DLG1: variants seen among roughly 807,000 people sequenced by gnomAD.
DLG1 encodes the protein disks large homolog 1.
DLG1 carries 42 observed loss-of-function variants against 123.4 expected under a neutral mutation model. The observed-to-expected ratio is 0.34, with a 90% CI of 0.27 to 0.44. DLG1 has a LOEUF of 0.44. Among genes scored for constraint, DLG1 ranks in the 20% least tolerant of loss-of-function variants. The pLI, the probability that DLG1 is intolerant of heterozygous loss-of-function variation, is 1.00. For synonymous variants in DLG1, 317 were observed against 356.2 expected (o/e 0.89, Z 1.24); for missense variants, 942 against 1,082.6 (o/e 0.87, Z 1.82).
At chr3:197,261,298 T>G (rs1759334215) in intron 4 of DLG1, among the ~76,000 whole-genome samples, 2 of 152,172 alleles carry the variant, frequency 1.3e-5, no homozygotes. Flanking sequence ...TGAAGTTAGC[T>G]ACATGTGGTG....
chr3:197,173,461 T>C (rs1449882884), intron 5 of DLG1, among the ~76,000 whole-genome samples: 1 of 152,190 alleles, frequency 6.6e-6, no homozygotes, highest in Non-Finnish European at 1.5e-5. Context: ...TTGCCCAAGG[T>C]GGCACAGGCG....
intron 11 of DLG1, among the ~76,000 whole-genome samples, chr3:197,128,094 C>T (rs997606382): frequency 1.3e-5 from 2 of 152,116 alleles, no homozygotes; most frequent in African/African-American, 2.4e-5. Flanking sequence ...TCCACTGACT[C>T]GTTCTTTTAC....
chr3:197,192,709 T>A (rs1169253058), intron 5 of DLG1, among the ~76,000 whole-genome samples: 2 of 152,090 alleles, frequency 1.3e-5, no homozygotes, highest in Non-Finnish European at 2.9e-5. Flanking sequence ...CATAAACATG[T>A]CTTTATGTAT....
intron 5 of DLG1, among the ~76,000 whole-genome samples, chr3:197,185,177 TCG>T (rs1715090345): frequency 6.6e-6 from 1 of 152,224 alleles, no homozygotes; most frequent in African/African-American, 2.4e-5. Flanking sequence ...TAAGAGCATA[TCG>T]TAAGTCCCAA....
At chr3:197,234,413 T>C (rs373363664) in intron 4 of DLG1, among the ~76,000 whole-genome samples, 1 of 152,156 alleles carries the variant, frequency 6.6e-6, no homozygotes, top group Non-Finnish European at 1.5e-5. Context: ...TGGATGAATT[T>C]AGGAGTAGAG....
chr3:197,126,338 T>C (rs1422271352), intron 11 of DLG1, among the ~76,000 whole-genome samples: 2 of 151,922 alleles, frequency 1.3e-5, no homozygotes, highest in African/African-American at 4.8e-5. Flanking sequence ...TAGCAGGGCG[T>C]GGTGGCGCAT....
At chr3:197,269,437 G>A (rs935125168) in intron 4 of DLG1, among the ~76,000 whole-genome samples, 1 of 152,058 alleles carries the variant, frequency 6.6e-6, no homozygotes, top group African/African-American at 2.4e-5. Flanking sequence ...AACGTTGCCT[G>A]TTACATTTCT....
chr3:197,068,519 T>A, intron 19 of DLG1: 1 of 1,582,028 alleles, frequency 6.3e-7, no homozygotes, highest in Non-Finnish European at 8.6e-7. Flanking sequence ...GCAGCCATAC[T>A]CATCTGTAAT....
At position 197,194,629 on chromosome 3, in the gene DLG1, CAT is replaced by C; in HGVS notation, c.319-42_319-41del. ...AACATGAAGAAGCCCTGATAAGCAACATGAGTTTAATTCAAATCATGGTTTTC... is the reference window on the plus strand; with the variant it reads ...AACATGAAGAAGCCCTGATAAGCAACGAGTTTAATTCAAATCATGGTTTTC... On this transcript the variant is annotated intron_variant, in intron 4 of 24. Transcript: ENST00000667157. 2.1e-6 allele frequency: 3 copies of C among 1,460,366 alleles called. 1 individual carries two copies. The South Asian group carries it at 4.0e-5, about 19-fold the overall frequency. The allele number at this position is 1,460,366 out of a possible 1,614,324, so 90.5% of individuals were successfully genotyped here.
intron 4 of DLG1, among the ~76,000 whole-genome samples, chr3:197,199,283 C>G (rs1256406194): frequency 6.6e-6 from 1 of 152,102 alleles, no homozygotes; most frequent in Non-Finnish European, 1.5e-5. Context: ...TTGAGCATCC[C>G]TAATCTGAAA....
Position 197,116,227 on chromosome 3 carries a change from G to A in DLG1, c.1287-144C>T, listed in dbSNP as rs1333614358. On this transcript the variant is annotated intron_variant, in intron 12 of 24. Transcript: ENST00000667157. ...ATATAAATGGTTTTTCTAAAACTAC[G>A]AGATAAAGAGATTCTAAGCCTACAA... The A allele has an allele frequency of 2.6e-5, 16 of 612,792 alleles. No homozygotes were observed. The East Asian group carries it at 3.6e-4, about 14-fold the overall frequency. 38.0% of individuals were successfully genotyped at this position (612,792 alleles called of 1,614,324 possible). A position where few individuals can be genotyped will look rare whatever the true frequency, so the allele number is the denominator to read the frequency against.
chr3:197,043,808 C>T lies in DLG1; in HGVS notation c.*815G>A, dbSNP rs918283456. On this transcript the variant is annotated 3_prime_UTR_variant, in exon 25 of 25. Transcript: ENST00000667157. ...GATGGTTACTACGTCACCACTGTAACGTCTGATTTATCTGTATTTATATCT... is the reference window on the plus strand; with the variant it reads ...GATGGTTACTACGTCACCACTGTAATGTCTGATTTATCTGTATTTATATCT... 2 of 152,018 alleles carry T rather than the reference C, an allele frequency of 1.3e-5. No individual in the cohort carries two copies. The highest frequency in any genetic ancestry group is 1.3e-4 in the Admixed American group (2 of 15,260). 9.4% of individuals were successfully genotyped at this position (152,018 alleles called of 1,614,324 possible). A position where few individuals can be genotyped will look rare whatever the true frequency, so the allele number is the denominator to read the frequency against.
chr3:197,083,717 G>C (rs1207997038), intron 16 of DLG1, among the ~76,000 whole-genome samples: 2 of 152,150 alleles, frequency 1.3e-5, no homozygotes, highest in Non-Finnish European at 2.9e-5. Flanking sequence ...CAGAGCTGTG[G>C]GAGGCTGGGG....
chr3:197,187,243 A>C (rs1043246638), intron 5 of DLG1, among the ~76,000 whole-genome samples: 2 of 152,174 alleles, frequency 1.3e-5, no homozygotes, highest in African/African-American at 4.8e-5. Flanking sequence ...TCATGTTTCT[A>C]TATGTTCCAG....
At chr3:197,124,060 T>A (rs75567389) in intron 11 of DLG1, among the ~76,000 whole-genome samples, 2 of 152,206 alleles carry the variant, frequency 1.3e-5, no homozygotes, top group Admixed American at 6.5e-5. Context: ...TTAGGCAACA[T>A]AGTGAGACCC....
chr3:197,218,781 T>G (rs1735355898), intron 4 of DLG1, among the ~76,000 whole-genome samples: 1 of 152,192 alleles, frequency 6.6e-6, no homozygotes, highest in African/African-American at 2.4e-5. Context: ...ACAACATACC[T>G]TAGACCTATA....
At chr3:197,228,135 G>A (rs1358200431) in intron 4 of DLG1, among the ~76,000 whole-genome samples, 1 of 152,070 alleles carries the variant, frequency 6.6e-6, no homozygotes, top group Non-Finnish European at 1.5e-5. Flanking sequence ...TTTAATACTG[G>A]TGTTTATCTA....
chr3:197,054,001 A>G (rs975973452), intron 23 of DLG1, among the ~76,000 whole-genome samples: 2 of 151,702 alleles, frequency 1.3e-5, no homozygotes, highest in African/African-American at 4.8e-5. Flanking sequence ...CCGAGGTGAG[A>G]GGCTGCTTGA....
intron 18 of DLG1, among the ~76,000 whole-genome samples, chr3:197,076,214 C>T (rs566121975): frequency 2.0e-5 from 3 of 152,256 alleles, no homozygotes; most frequent in East Asian, 1.9e-4. Context: ...TTATCAGACT[C>T]GCCATGTTAT....
Sources: allele counts gnomAD v4.1 joint callset (sites outside exome capture counted in the v4.1 genomes callset), GRCh38; gene constraint gnomAD v4.1.1; transcripts MANE v1.5; gene names NCBI Gene and HGNC (gene_info 2026-07-23, HGNC 2026-07-21).